Variants in SPMIP2 observed in about 807,000 individuals in gnomAD.
SPMIP2 encodes sperm microtubule inner protein 2, also known as protein SPMIP2.
At chr4:158,955,316 C>A in the SPMIP2 span, among the ~76,000 whole-genome samples, 1 of 151,498 alleles carries the variant, frequency 6.6e-6, no homozygotes, top group South Asian at 2.1e-4. Flanking sequence ...AGATTCTGAG[C>A]GCTTAGCACA....
the SPMIP2 span, among the ~76,000 whole-genome samples, chr4:158,920,390 T>A: frequency 1.3e-5 from 2 of 152,188 alleles, no homozygotes; most frequent in Non-Finnish European, 2.9e-5. Flanking sequence ...ATTTTTCTTC[T>A]TGTAGAGAGC....
chr4:158,935,997 A>T, the SPMIP2 span, among the ~76,000 whole-genome samples: 1 of 152,200 alleles, frequency 6.6e-6, no homozygotes, highest in African/African-American at 2.4e-5. Context: ...CAAACAATTC[A>T]ATGAACTCTC....
At chr4:158,990,875 T>TAA in the SPMIP2 span, among the ~76,000 whole-genome samples, 27 of 151,860 alleles carry the variant, frequency 1.8e-4, no homozygotes, top group Admixed American at 7.9e-4. Context: ...TAAAATATAA[T>TAA]AAAAAACGTT....
At chr4:158,923,296 G>C in the SPMIP2 span, among the ~76,000 whole-genome samples, 4 of 152,270 alleles carry the variant, frequency 2.6e-5, no homozygotes, top group East Asian at 7.7e-4. Context: ...AAAGAAGCCA[G>C]TTGAGATTTT....
At chr4:158,987,624 T>C in the SPMIP2 span, among the ~76,000 whole-genome samples, 2 of 151,970 alleles carry the variant, frequency 1.3e-5, no homozygotes, top group Non-Finnish European at 2.9e-5. Flanking sequence ...CTCTGGGGAC[T>C]GTTGTGGGGT....
chr4:159,005,737 C>A, the SPMIP2 span, among the ~76,000 whole-genome samples: 1 of 152,104 alleles, frequency 6.6e-6, no homozygotes, highest in East Asian at 1.9e-4. Flanking sequence ...TTGGATTAAA[C>A]AAAGTATATT....
the SPMIP2 span, among the ~76,000 whole-genome samples, chr4:159,054,992 G>A: frequency 6.6e-6 from 1 of 152,196 alleles, no homozygotes; most frequent in Non-Finnish European, 1.5e-5. Flanking sequence ...CTGCAAGGAA[G>A]TCTGCATGAC....
the SPMIP2 span, among the ~76,000 whole-genome samples, chr4:159,017,335 C>T: frequency 8.0e-6 from 1 of 125,208 alleles, no homozygotes; most frequent in South Asian, 2.7e-4. Context: ...AACAGTAAGA[C>T]AAAACACAAA....
At chr4:158,897,001 C>T in the SPMIP2 span, among the ~76,000 whole-genome samples, 2 of 152,036 alleles carry the variant, frequency 1.3e-5, no homozygotes, top group Non-Finnish European at 2.9e-5. Context: ...CCCCAGCCCC[C>T]CACCCGCCAA....
the SPMIP2 span, among the ~76,000 whole-genome samples, chr4:159,065,067 A>G: frequency 1.3e-5 from 2 of 152,244 alleles, no homozygotes; most frequent in African/African-American, 4.8e-5. Context: ...GACCTTTTAG[A>G]GAATTTCACA....
At chr4:158,985,031 A>G in the SPMIP2 span, among the ~76,000 whole-genome samples, 2 of 151,486 alleles carry the variant, frequency 1.3e-5, no homozygotes, top group Non-Finnish European at 3.0e-5. Context: ...TAGAAAATCT[A>G]GAAGAAATGG....
chr4:158,938,448 A>G, the SPMIP2 span, among the ~76,000 whole-genome samples: 1 of 152,218 alleles, frequency 6.6e-6, no homozygotes, highest in Non-Finnish European at 1.5e-5. Context: ...CTTTGATTTC[A>G]TAGGAATACA....
the SPMIP2 span, among the ~76,000 whole-genome samples, chr4:158,930,399 G>A: frequency 6.6e-6 from 1 of 152,022 alleles, no homozygotes; most frequent in Non-Finnish European, 1.5e-5. Flanking sequence ...TATAGAGACA[G>A]GATTTCATCA....
At chr4:158,902,404 T>G in the SPMIP2 span, among the ~76,000 whole-genome samples, 1 of 152,176 alleles carries the variant, frequency 6.6e-6, no homozygotes, top group East Asian at 1.9e-4. Flanking sequence ...AGAGCTCTCC[T>G]GTATGAGGTT....
chr4:159,043,342 T>TTTTTA, the SPMIP2 span, among the ~76,000 whole-genome samples: 4 of 152,282 alleles, frequency 2.6e-5, no homozygotes, highest in East Asian at 3.9e-4. Context: ...TTACATTTAT[T>TTTTTA]TTTTATTTTA....
At chr4:159,043,257 TC>T in the SPMIP2 span, among the ~76,000 whole-genome samples, 1 of 152,208 alleles carries the variant, frequency 6.6e-6, no homozygotes, top group Non-Finnish European at 1.5e-5. Flanking sequence ...AGGGAATGTT[TC>T]CCCAGTGCAC....
chr4:158,994,917 T>C, the SPMIP2 span, among the ~76,000 whole-genome samples: 6 of 152,222 alleles, frequency 3.9e-5, no homozygotes, highest in Non-Finnish European at 5.9e-5. Flanking sequence ...AATTTTTAAA[T>C]GCTGCATTTC....
chr4:158,923,229 T>C, the SPMIP2 span, among the ~76,000 whole-genome samples: 1 of 152,216 alleles, frequency 6.6e-6, no homozygotes, highest in African/African-American at 2.4e-5. Context: ...TTGTTTCGAC[T>C]ATTCTGGATC....
At chr4:158,953,130 C>G in the SPMIP2 span, among the ~76,000 whole-genome samples, 1 of 152,156 alleles carries the variant, frequency 6.6e-6, no homozygotes, top group African/African-American at 2.4e-5. Flanking sequence ...ATCCCCAAAA[C>G]AACAGGGAAA....
Sources: allele counts gnomAD v4.1 joint callset (sites outside exome capture counted in the v4.1 genomes callset), GRCh38; gene constraint gnomAD v4.1.1; transcripts MANE v1.5; gene names NCBI Gene and HGNC (gene_info 2026-07-23, HGNC 2026-07-21).